Variants in HMCN1 observed in about 807,000 individuals in gnomAD.
The protein encoded by HMCN1 is hemicentin 1, also known as hemicentin-1.
Under a neutral mutation model 625.9 loss-of-function variants are expected in HMCN1, and 321 were observed. That is an observed-to-expected ratio of 0.51 (90% CI 0.47 to 0.56). The LOEUF (loss-of-function observed/expected upper bound fraction) is 0.56, where lower values mean the gene tolerates loss of function less well. Among genes scored for constraint, HMCN1 ranks in the 20% least tolerant of loss-of-function variants. The pLI is 0.00. For synonymous variants in HMCN1, 2,425 were observed against 2,417.6 expected (o/e 1.00, Z -0.09); for missense variants, 6,588 against 6,887.3 (o/e 0.96, Z 1.54).
In HMCN1 at chr1:185,792,343, C is replaced by T. The variant is rs181361358; in HGVS notation, c.269-53683C>T. Reference sequence around the variant, plus strand: ...ATGGACTGACATAAATCATTCACAACTGTAAAGAAAACTGTTCAAAGCATC... The same window carrying T: ...ATGGACTGACATAAATCATTCACAATTGTAAAGAAAACTGTTCAAAGCATC... On this transcript the variant is annotated intron_variant, in intron 1 of 106. Coordinates refer to ENST00000271588, the MANE Select transcript of HMCN1 (RefSeq NM_031935.3). Among the ~76,000 whole-genome samples, 396 of 152,232 alleles carry T rather than the reference C, an allele frequency of 2.6e-3. 2 individuals carry two copies. The highest frequency in any genetic ancestry group is 9.1e-3 in the African/African-American group (377 of 41,538).
At chr1:186,000,448 G>A (rs1041615683) in intron 26 of HMCN1, among the ~76,000 whole-genome samples, 1 of 151,604 alleles carries the variant, frequency 6.6e-6, no homozygotes, top group East Asian at 1.9e-4. Context: ...AATTCAAATG[G>A]TAGAAAAAGA....
chr1:186,124,750 C>T (rs182141289), intron 81 of HMCN1, among the ~76,000 whole-genome samples: 65 of 152,054 alleles, frequency 4.3e-4, no homozygotes, highest in Admixed American at 9.8e-4. Context: ...GCCAACTGTT[C>T]TCTTTTCACT....
chr1:185,756,835 A>G (rs1273288961), intron 1 of HMCN1, among the ~76,000 whole-genome samples: 1 of 150,220 alleles, frequency 6.7e-6, no homozygotes, highest in African/African-American at 2.5e-5. Flanking sequence ...TCCAATGACT[A>G]TCATTTTTTT....
At chr1:185,928,778 A>T in intron 10 of HMCN1, 111 bp downstream of exon 10, 9 of 1,142,836 alleles carry the variant, frequency 7.9e-6, no homozygotes, top group East Asian at 2.6e-5. Flanking sequence ...TTATTTTATT[A>T]TTGTCTATCT....
At chr1:185,877,677 AC>A (rs1664043846) in intron 4 of HMCN1, among the ~76,000 whole-genome samples, 1 of 150,150 alleles carries the variant, frequency 6.7e-6, no homozygotes, top group Admixed American at 6.6e-5. Flanking sequence ...GAAATATTTC[AC>A]CTCCTTGGTT....
At chr1:186,063,075 T>A (rs1292814717) in intron 48 of HMCN1, among the ~76,000 whole-genome samples, 1 of 90,100 alleles carries the variant, frequency 1.1e-5, no homozygotes, top group African/African-American at 4.6e-5. Context: ...TGCATATATA[T>A]ATATATATAT....
At chr1:185,764,791 TATAA>T (rs1289215180) in intron 1 of HMCN1, among the ~76,000 whole-genome samples, 1 of 152,192 alleles carries the variant, frequency 6.6e-6, no homozygotes, top group Non-Finnish European at 1.5e-5. Context: ...AGTAATTTGA[TATAA>T]ATAAATTTAA....
rs1316828439 is a variant in HMCN1, at chr1:186,019,532, T to C, written c.5471-9T>C. ...GGTTTCATTCCCTCTCCCCCTTCCT[T>C]AAATATAGTTCCTCCAACAATCAAG... On this transcript the variant is annotated splice_polypyrimidine_tract_variant and intron_variant, in intron 34 of 106. Transcript: ENST00000271588. The C allele has an allele frequency of 6.2e-7, 1 of 1,602,516 alleles. No individual in the cohort carries two copies. The highest frequency in any genetic ancestry group is 1.7e-5 in the Admixed American group (1 of 59,896).
Position 186,145,918 on chromosome 1 carries a change from G to T in HMCN1, c.14603G>T (p.Cys4868Phe), listed in dbSNP as rs781041545. Residue 4868 changes from cysteine to phenylalanine, a missense_variant, in exon 93 of 107, where the codon TGT becomes TTT. Physicochemically the swap from Cys to Phe is radical, Grantham distance 205. Around this residue, in one of 3 missense-constraint regions of HMCN1, gnomAD observed 1,954 missense variants for 2,013.1 expected, o/e 0.97. Transcript: ENST00000271588. ...TQVTRCNVQACPGGPQRARGS... is the reference protein window; with the variant it reads ...TQVTRCNVQAFPGGPQRARGS... ...GTGACCAGGTGCAATGTACAAGCATGTCCAGGTAAGCAACTAAATTGGACT... is the reference window on the plus strand; with the variant it reads ...GTGACCAGGTGCAATGTACAAGCATTTCCAGGTAAGCAACTAAATTGGACT... 1 of 1,613,824 alleles carries T rather than the reference G, an allele frequency of 6.2e-7. No individual in the cohort carries two copies. Among genetic ancestry groups the T allele is most frequent in the Non-Finnish European group, 8.5e-7 (1 of 1,179,950 alleles).
chr1:185,930,168 A>G (rs551791985), intron 10 of HMCN1, among the ~76,000 whole-genome samples: 7 of 152,310 alleles, frequency 4.6e-5, no homozygotes, highest in Admixed American at 3.3e-4. Flanking sequence ...CAATGGAATA[A>G]CTAGGAAATT....
rs1263966128 is a variant in HMCN1, at chr1:186,145,438, A to G, written c.14302A>G (p.Thr4768Ala). ...CTGGAGTCCTTGGAGTGGCTGGGGA[A>G]CATGCAGCCGGACGTGTAACGGAGG... ...GNWSPWSGWG[T>A]CSRTCNGGQM... Residue 4768 changes from threonine (T) to alanine (A), a missense_variant, in exon 92 of 107, where the codon ACA becomes GCA. Physicochemically the swap from Thr to Ala is moderately conservative, Grantham distance 58. Transcript: ENST00000271588. The G allele has an allele frequency of 1.3e-6, 2 of 1,598,832 alleles. No homozygotes were observed. Among genetic ancestry groups the G allele is most frequent in the East Asian group, 4.5e-5 (2 of 44,660 alleles).
At chr1:185,830,583 T>C (rs145984698) in intron 1 of HMCN1, among the ~76,000 whole-genome samples, 1 of 152,218 alleles carries the variant, frequency 6.6e-6, no homozygotes, top group African/African-American at 2.4e-5. Context: ...ATCTCTGTTC[T>C]GCTCCATTGG....
At position 186,088,044 on chromosome 1, in the gene HMCN1, T is replaced by C. The variant is rs772773391; in HGVS notation, c.9445+31T>C. The stretch of plus-strand genomic sequence containing the variant: ...CATTTGCCTCTAATACAACTCTTTT[T>C]CCCCTAGATATGCAAATGAAAAAAG... On this transcript the variant is annotated intron_variant, in intron 61 of 106. Transcript: ENST00000271588. 1.9e-5 allele frequency: 30 copies of C among 1,612,044 alleles called. No homozygotes were observed. In the South Asian group the frequency reaches 2.4e-4, roughly 13 times the overall value.
Position 186,055,380 on chromosome 1 carries a change from C to G in HMCN1, c.6863-13C>G, listed in dbSNP as rs994487953. 5 of 1,611,500 alleles carry G rather than the reference C, an allele frequency of 3.1e-6. No individual in the cohort carries two copies. The highest frequency in any genetic ancestry group is 1.7e-4 in the Middle Eastern group (1 of 6,046). On this transcript the variant is annotated splice_polypyrimidine_tract_variant and intron_variant, in intron 44 of 106. Transcript: ENST00000271588. Reference sequence around the variant, plus strand: ...TCCTCTTTTGTTTCTTTTTATCTTCCTCCAACCCTCAGTTAGACCAACCAT... The same window carrying G: ...TCCTCTTTTGTTTCTTTTTATCTTCGTCCAACCCTCAGTTAGACCAACCAT...
At chr1:185,789,486 C>G (rs75606176) in intron 1 of HMCN1, among the ~76,000 whole-genome samples, 7,528 of 152,258 alleles carry the variant, frequency 0.049, 573 homozygotes, top group African/African-American at 0.17. Context: ...AATTAGAAAG[C>G]ATATCACACA....
chr1:185,756,105 A>G lies in HMCN1; in HGVS notation c.268+21058A>G, dbSNP rs548654489. On this transcript the variant is annotated intron_variant, in intron 1 of 106. Transcript: ENST00000271588. The stretch of plus-strand genomic sequence containing the variant: ...AAAAGCACTCACAAATGAAGGACTG[A>G]CAATGGAAATCAATAAGATAGTGTG... Among the ~76,000 whole-genome samples the G allele has an allele frequency of 2.0e-5, 3 of 152,304 alleles. No homozygotes were observed. The South Asian group carries it at 6.2e-4, about 32-fold the overall frequency.
Position 185,828,017 on chromosome 1 carries a change from G to A in HMCN1, c.269-18009G>A, listed in dbSNP as rs371951588. On this transcript the variant is annotated intron_variant, in intron 1 of 106. Transcript: ENST00000271588. ...ATGTTGTTCAAATACAGAGGCAATA[G>A]CAAACAATTTTGAACACGCACAACT... 1.7e-4 allele frequency among the ~76,000 whole-genome samples: 26 copies of A among 152,234 alleles called. 1 individual carries two copies. The highest frequency in any genetic ancestry group is 1.3e-3 in the Admixed American group (20 of 15,290).
chr1:185,888,987 A>G (rs1664864471), intron 4 of HMCN1, among the ~76,000 whole-genome samples: 1 of 146,410 alleles, frequency 6.8e-6, no homozygotes, highest in Admixed American at 6.6e-5. Context: ...TATTTCCTTG[A>G]GCAGCGGTTT....
At chr1:185,953,816 G>A (rs952983014) in intron 11 of HMCN1, among the ~76,000 whole-genome samples, 1 of 151,784 alleles carries the variant, frequency 6.6e-6, no homozygotes, top group Non-Finnish European at 1.5e-5. Context: ...TGAGCAACAT[G>A]GCTGTTTATT....
Sources: allele counts gnomAD v4.1 joint callset (sites outside exome capture counted in the v4.1 genomes callset), GRCh38; gene constraint gnomAD v4.1.1; regional missense constraint gnomAD v4.1.1; transcripts MANE v1.5; gene names NCBI Gene and HGNC (gene_info 2026-07-23, HGNC 2026-07-21).